Variants in LCLAT1 observed in about 807,000 individuals in gnomAD.
LCLAT1 encodes the protein 1-AGP acyltransferase 8.
LCLAT1 carries 11 observed loss-of-function variants against 30.7 expected under a neutral mutation model. The ratio of observed to expected loss-of-function variants is 0.36; its 90% confidence interval spans 0.23 to 0.59. The LOEUF (loss-of-function observed/expected upper bound fraction) is 0.59. LCLAT1 is among the 20% of genes least tolerant of loss of function. The pLI, the probability that LCLAT1 is intolerant of heterozygous loss-of-function variation, is 0.77. For missense variants in LCLAT1, 402 were observed against 458.6 expected, an observed-to-expected ratio of 0.88 and a Z score of 1.13; for synonymous variants, 155 against 151.3, an observed-to-expected ratio of 1.02 and a Z score of -0.18.
At chr2:30,611,348 T>G (rs544486327) in intron 5 of LCLAT1, among the ~76,000 whole-genome samples, 27 of 152,214 alleles carry the variant, frequency 1.8e-4, no homozygotes, top group African/African-American at 6.5e-4. Context: ...AGCTCCAGTT[T>G]TAGGAAATCC....
intron 1 of LCLAT1, among the ~76,000 whole-genome samples, chr2:30,462,629 A>T (rs193246852): frequency 6.6e-6 from 1 of 152,362 alleles, no homozygotes; most frequent in Admixed American, 6.5e-5. Context: ...GTTGCAGCAT[A>T]GTCTTTTAAC....
intron 5 of LCLAT1, among the ~76,000 whole-genome samples, chr2:30,588,628 C>A (rs1375762154): frequency 6.6e-6 from 1 of 151,752 alleles, no homozygotes; most frequent in African/African-American, 2.4e-5. Flanking sequence ...CTATTGTTGC[C>A]CAGGCTGGAG....
intron 2 of LCLAT1, among the ~76,000 whole-genome samples, chr2:30,532,296 C>T (rs1009651180): frequency 6.6e-6 from 1 of 152,044 alleles, no homozygotes; most frequent in Non-Finnish European, 1.5e-5. Context: ...ATGATATTCG[C>T]CAAGAGAACT....
intron 1 of LCLAT1, among the ~76,000 whole-genome samples, chr2:30,468,310 T>A (rs1378796932): frequency 6.6e-6 from 1 of 152,242 alleles, no homozygotes; most frequent in Non-Finnish European, 1.5e-5. Context: ...TCTCTCTCTC[T>A]GTTTTGGTAC....
intron 1 of LCLAT1, among the ~76,000 whole-genome samples, chr2:30,492,495 A>G (rs1558473329): frequency 6.6e-6 from 1 of 152,040 alleles, no homozygotes; most frequent in Non-Finnish European, 1.5e-5. Flanking sequence ...TTCAAAAATT[A>G]ACTTGGGGCC....
chr2:30,551,822 T>TA (rs895869832), intron 3 of LCLAT1, among the ~76,000 whole-genome samples: 5 of 152,112 alleles, frequency 3.3e-5, no homozygotes, highest in African/African-American at 1.2e-4. Flanking sequence ...CTCTTCCACT[T>TA]AAAAAAAATT....
At chr2:30,448,219 T>C (rs1298890241) in intron 1 of LCLAT1, among the ~76,000 whole-genome samples, 2 of 152,324 alleles carry the variant, frequency 1.3e-5, no homozygotes, top group East Asian at 1.9e-4. Flanking sequence ...ATTGAAGATA[T>C]GTGTTGAAGG....
At chr2:30,486,789 A>G (rs1683579692) in intron 1 of LCLAT1, among the ~76,000 whole-genome samples, 1 of 152,196 alleles carries the variant, frequency 6.6e-6, no homozygotes, top group Non-Finnish European at 1.5e-5. Flanking sequence ...AACCAGGGAA[A>G]TGCAGAGCCA....
chr2:30,486,756 G>A (rs946976749), intron 1 of LCLAT1, among the ~76,000 whole-genome samples: 3 of 152,124 alleles, frequency 2.0e-5, no homozygotes, highest in African/African-American at 7.2e-5. Context: ...TTTCTTGCTG[G>A]TTGGATGTGT....
At chr2:30,483,286 C>G (rs764450774) in intron 1 of LCLAT1, among the ~76,000 whole-genome samples, 2 of 151,822 alleles carry the variant, frequency 1.3e-5, no homozygotes, top group East Asian at 1.9e-4. Context: ...CCCAGGAGTT[C>G]GAGACCAGCT....
chr2:30,575,891 CCTGGGTTTATTATATACTATTT>C (rs1242139956), intron 5 of LCLAT1, among the ~76,000 whole-genome samples: 1 of 151,894 alleles, frequency 6.6e-6, no homozygotes, highest in African/African-American at 2.4e-5. Context: ...AAAATTTTGC[CCTGGGTTTATTATATACTATTT>C]CTCTAACACT....
chr2:30,495,718 A>G (rs981937898), intron 1 of LCLAT1, among the ~76,000 whole-genome samples: 7 of 152,118 alleles, frequency 4.6e-5, no homozygotes, highest in African/African-American at 9.7e-5. Flanking sequence ...TGTTGGATGG[A>G]TTACACAGGT....
At chr2:30,464,831 G>T (rs951850893) in intron 1 of LCLAT1, among the ~76,000 whole-genome samples, 18 of 152,064 alleles carry the variant, frequency 1.2e-4, no homozygotes, top group African/African-American at 3.4e-4. Context: ...TGACGAAAAG[G>T]CTTGGCCTAT....
chr2:30,474,828 T>G (rs538263155), intron 1 of LCLAT1, among the ~76,000 whole-genome samples: 202 of 151,860 alleles, frequency 1.3e-3, no homozygotes, highest in African/African-American at 4.6e-3. Context: ...TTTAAAAAAT[T>G]TTTTGTAGAG....
chr2:30,506,157 AG>A (rs1310840554), intron 1 of LCLAT1, among the ~76,000 whole-genome samples: 1 of 152,104 alleles, frequency 6.6e-6, no homozygotes, highest in African/African-American at 2.4e-5. Flanking sequence ...CTAACTAAAA[AG>A]CTTGTTATCT....
intron 1 of LCLAT1, among the ~76,000 whole-genome samples, chr2:30,470,731 GT>G (rs1277427927): frequency 1.3e-5 from 2 of 152,090 alleles, no homozygotes; most frequent in African/African-American, 4.8e-5. Context: ...TTTCAGTGTT[GT>G]TTTGGCTGCT....
chr2:30,530,505 G>A (rs966311804), intron 2 of LCLAT1, among the ~76,000 whole-genome samples: 1 of 152,196 alleles, frequency 6.6e-6, no homozygotes, highest in Non-Finnish European at 1.5e-5. Context: ...CAAGGGAGAG[G>A]ATGTCATGTT....
At chr2:30,561,779 C>A (rs755980113) in intron 3 of LCLAT1, among the ~76,000 whole-genome samples, 5 of 152,130 alleles carry the variant, frequency 3.3e-5, no homozygotes, top group Non-Finnish European at 7.3e-5. Context: ...AGAACACATT[C>A]TTTTATCTCC....
At chr2:30,639,826 T>C (rs904036965) in intron 5 of LCLAT1, among the ~76,000 whole-genome samples, 1 of 152,212 alleles carries the variant, frequency 6.6e-6, no homozygotes, top group African/African-American at 2.4e-5. Context: ...CATCTCAAAT[T>C]TGAGTTAATG....
Sources: allele counts gnomAD v4.1 joint callset (sites outside exome capture counted in the v4.1 genomes callset), GRCh38; gene constraint gnomAD v4.1.1; transcripts MANE v1.5; gene names NCBI Gene and HGNC (gene_info 2026-07-23, HGNC 2026-07-21).